BMAL1: variants seen among roughly 807,000 people sequenced by gnomAD.
BMAL1 encodes the protein basic helix-loop-helix ARNT-like protein 1.
At chr11:13,376,775 C>A in the BMAL1 span, 2 of 1,568,322 alleles carry the variant, frequency 1.3e-6, no homozygotes, top group South Asian at 1.2e-5. Flanking sequence ...TGGGAAGGTG[C>A]TTGTGGTCAA....
the BMAL1 span, chr11:13,385,763 T>C: frequency 6.2e-7 from 1 of 1,613,220 alleles, no homozygotes; most frequent in Non-Finnish European, 8.5e-7. Flanking sequence ...ACCCAGGTTA[T>C]CCATATTCTG....
chr11:13,281,743 C>T, the BMAL1 span, among the ~76,000 whole-genome samples: 2 of 152,194 alleles, frequency 1.3e-5, no homozygotes, highest in African/African-American at 4.8e-5. Flanking sequence ...CTCCTGGGCT[C>T]AAGTGACCCA....
the BMAL1 span, chr11:13,354,602 C>CCTT: frequency 9.9e-7 from 1 of 1,011,056 alleles, no homozygotes; most frequent in Non-Finnish European, 1.4e-6. Context: ...TTTGGCTTTA[C>CCTT]CTTCCCCTAG....
At chr11:13,308,249 G>A in the BMAL1 span, among the ~76,000 whole-genome samples, 4 of 152,188 alleles carry the variant, frequency 2.6e-5, no homozygotes, top group Non-Finnish European at 4.4e-5. Context: ...GGAGGAGCAC[G>A]TCAGGGGTCT....
the BMAL1 span, among the ~76,000 whole-genome samples, chr11:13,364,147 A>T: frequency 1.3e-5 from 2 of 152,244 alleles, no homozygotes; most frequent in Non-Finnish European, 2.9e-5. Flanking sequence ...AAGGCAAACG[A>T]GGAAGTTTTT....
At chr11:13,370,932 T>G in the BMAL1 span, among the ~76,000 whole-genome samples, 1 of 152,230 alleles carries the variant, frequency 6.6e-6, no homozygotes, top group Non-Finnish European at 1.5e-5. Flanking sequence ...CGCTTCCTGG[T>G]TGGAATTTCT....
the BMAL1 span, among the ~76,000 whole-genome samples, chr11:13,314,362 C>T: frequency 1.3e-5 from 2 of 151,792 alleles, no homozygotes; most frequent in African/African-American, 4.8e-5. Flanking sequence ...TCTGTTTGTG[C>T]AGCCAAGCAA....
the BMAL1 span, chr11:13,354,716 A>G: frequency 2.4e-6 from 1 of 410,286 alleles, no homozygotes; most frequent in East Asian, 5.1e-5. Flanking sequence ...CTTAAGGCCA[A>G]GTTCTGTCTT....
the BMAL1 span, among the ~76,000 whole-genome samples, chr11:13,357,386 C>T: frequency 2.0e-5 from 3 of 152,268 alleles, no homozygotes; most frequent in Non-Finnish European, 2.9e-5. This position sits in a 1 kb window ranked among gnomAD's most constrained non-coding sequence, Gnocchi z 4.8. Context: ...CAGCAGAGAA[C>T]GTCTTCCTGA....
At chr11:13,358,708 G>A in the BMAL1 span, 1 of 1,130,436 alleles carries the variant, frequency 8.8e-7, no homozygotes, top group African/African-American at 1.6e-5. Context: ...GTAGCCTTCA[G>A]TAGTATGCCT....
At chr11:13,360,455 G>T in the BMAL1 span, 1 of 1,587,790 alleles carries the variant, frequency 6.3e-7, no homozygotes, top group Non-Finnish European at 8.6e-7. Flanking sequence ...GTTTTACAAC[G>T]TTTGTTTTTA....
At chr11:13,365,744 A>G in the BMAL1 span, 1 of 601,866 alleles carries the variant, frequency 1.7e-6, no homozygotes, top group South Asian at 2.2e-5. Flanking sequence ...TTAGACTTAG[A>G]ACAATCTTGT....
the BMAL1 span, among the ~76,000 whole-genome samples, chr11:13,312,368 C>G: frequency 6.6e-5 from 10 of 152,136 alleles, no homozygotes; most frequent in Non-Finnish European, 1.2e-4. Flanking sequence ...TTTCCTCCTA[C>G]TAATGTAGAA....
chr11:13,323,991 A>C, the BMAL1 span, among the ~76,000 whole-genome samples: 1 of 152,252 alleles, frequency 6.6e-6, no homozygotes, highest in Non-Finnish European at 1.5e-5. Flanking sequence ...CAATACATAT[A>C]ATCTGTAGTA....
chr11:13,319,801 G>C, the BMAL1 span, among the ~76,000 whole-genome samples: 3 of 152,318 alleles, frequency 2.0e-5, no homozygotes, highest in African/African-American at 7.2e-5. Flanking sequence ...TTCCCACCAA[G>C]GGCTGAGCCA....
chr11:13,339,506 T>C, the BMAL1 span, among the ~76,000 whole-genome samples: 1 of 151,424 alleles, frequency 6.6e-6, no homozygotes. Context: ...AGAGGGATCA[T>C]GTCACTCCCC....
chr11:13,354,197 CCG>C, the BMAL1 span: 1 of 741,104 alleles, frequency 1.3e-6, no homozygotes, highest in Non-Finnish European at 2.1e-6. Flanking sequence ...GTCTCCCCCC[CCG>C]GCCCCCCACC....
chr11:13,357,071 C>T, the BMAL1 span: 1 of 1,614,204 alleles, frequency 6.2e-7, no homozygotes, highest in African/African-American at 1.3e-5. This position sits in a 1 kb window ranked among gnomAD's most constrained non-coding sequence, Gnocchi z 4.8. Context: ...ATATACAGAA[C>T]ACCAAGGAAG....
At chr11:13,363,837 G>GCTT in the BMAL1 span, among the ~76,000 whole-genome samples, 1 of 152,188 alleles carries the variant, frequency 6.6e-6, no homozygotes, top group African/African-American at 2.4e-5. Flanking sequence ...TGTTCTCACA[G>GCTT]CTTCTGCTCC....
Sources: allele counts gnomAD v4.1 joint callset (sites outside exome capture counted in the v4.1 genomes callset), GRCh38; gene constraint gnomAD v4.1.1; non-coding constraint Gnocchi (gnomAD v3.1); transcripts MANE v1.5; gene names NCBI Gene and HGNC (gene_info 2026-07-23, HGNC 2026-07-21).